Variants in ITGA8 observed in about 807,000 individuals in gnomAD.
ITGA8 encodes integrin alpha-8.
In ITGA8, 91 loss-of-function variants were observed where a neutral mutation model predicts 142.3. The observed-to-expected ratio is 0.64, with a 90% CI of 0.54 to 0.76. The LOEUF is 0.76. Among genes scored for constraint, ITGA8 ranks in the 30% least tolerant of loss-of-function variants. ITGA8 has a pLI of 0.00. For missense variants in ITGA8, 1,406 were observed against 1,327.7 expected (o/e 1.06, Z -0.92); for synonymous variants, 505 against 485.2 (o/e 1.04, Z -0.54).
At chr10:15,591,429 AT>A (rs1454566640) in intron 22 of ITGA8, among the ~76,000 whole-genome samples, 3 of 147,852 alleles carry the variant, frequency 2.0e-5, no homozygotes, top group Admixed American at 1.4e-4. Context: ...ATTATATTAT[AT>A]TATATTATAT....
Position 15,556,016 on chromosome 10 carries a change from C to CT in ITGA8, c.2766+2057dup, listed in dbSNP as rs1391282940. The stretch of plus-strand genomic sequence containing the variant: ...CGGTCTTCTGCCAGGGTCTCTCTCT[C>CT]TCTTTTTTTTTTTTTTTTTTTTTTT... On this transcript the variant is annotated intron_variant, in intron 26 of 29. Coordinates refer to ENST00000378076, the MANE Select transcript of ITGA8 (RefSeq NM_003638.3). Among the ~76,000 whole-genome samples the CT allele has an allele frequency of 1.9e-3, 179 of 94,528 alleles. 2 individuals are homozygous for CT. The highest frequency in any genetic ancestry group is 6.8e-3 in the African/African-American group (171 of 25,158). 62.0% of individuals were successfully genotyped at this position (94,528 alleles called of 152,430 possible). A position where few individuals can be genotyped will look rare whatever the true frequency, so the allele number is the denominator to read the frequency against.
At position 15,604,251 on chromosome 10, in the gene ITGA8, A is replaced by T. The variant is rs551611225; in HGVS notation, c.2075T>A (p.Ile692Lys). ...GAYEAELFVM[I>K]PEEADYVGIE... ...TCCAACATAATCTGCCTCTTCTGGT[A>T]TCATTACAAAGAGTTCAGCTTCATA... is the stretch of plus-strand genomic sequence containing the variant. Residue 692 changes from isoleucine (I) to lysine (K), a missense_variant, in exon 20 of 30, where the codon ATA becomes AAA. By Grantham distance (102) the Ile-to-Lys change is moderately radical (BLOSUM62 -3). Transcript: ENST00000378076. The T allele has an allele frequency of 1.9e-5, 31 of 1,613,646 alleles. No individual in the cohort carries two copies. The South Asian group carries it at 3.4e-4, about 18-fold the overall frequency.
At chr10:15,652,132 G>GT (rs1411268580) in intron 11 of ITGA8, among the ~76,000 whole-genome samples, 1 of 152,330 alleles carries the variant, frequency 6.6e-6, no homozygotes, top group East Asian at 1.9e-4. Context: ...CTACCATGTT[G>GT]TTTCGATTAA....
chr10:15,644,713 G>A (rs1167360651), intron 12 of ITGA8, among the ~76,000 whole-genome samples: 2 of 150,856 alleles, frequency 1.3e-5, no homozygotes, highest in African/African-American at 4.9e-5. Context: ...ACTCTAAAGG[G>A]CTTATAATGT....
At chr10:15,667,960 A>AGGTGT (rs1397430804) in intron 8 of ITGA8, among the ~76,000 whole-genome samples, 2 of 152,200 alleles carry the variant, frequency 1.3e-5, no homozygotes, top group African/African-American at 4.8e-5. Context: ...ATTTTGGAGT[A>AGGTGT]GGTGTGGTGT....
intron 5 of ITGA8, among the ~76,000 whole-genome samples, chr10:15,678,251 C>G (rs553060577): frequency 6.6e-6 from 1 of 152,256 alleles, no homozygotes; most frequent in African/African-American, 2.4e-5. Flanking sequence ...TTTTTCTATA[C>G]TATTTTCAAA....
At chr10:15,561,447 T>C (rs1024730743) in intron 25 of ITGA8, among the ~76,000 whole-genome samples, 2 of 151,808 alleles carry the variant, frequency 1.3e-5, no homozygotes, top group Non-Finnish European at 2.9e-5. Context: ...AAATGTAAAA[T>C]TGTAAAAAAA....
At chr10:15,604,448 A>G in intron 19 of ITGA8, 93 bp from the exon 20 acceptor site, 1 of 1,019,622 alleles carries the variant, frequency 9.8e-7, no homozygotes, top group Non-Finnish European at 1.4e-6. Flanking sequence ...GAAAAGAAAA[A>G]TGGCAAGTGC....
chr10:15,543,782 A>G (rs556568474), intron 27 of ITGA8, among the ~76,000 whole-genome samples: 45 of 152,294 alleles, frequency 3.0e-4, no homozygotes, highest in African/African-American at 1.1e-3. Context: ...TCGTAATATG[A>G]CCTTATTTGG....
chr10:15,517,932 C>T (rs1832993456), intron 29 of ITGA8, among the ~76,000 whole-genome samples: 1 of 152,240 alleles, frequency 6.6e-6, no homozygotes, highest in African/African-American at 2.4e-5. Context: ...AGGAGATTGT[C>T]TCCTAAAGTA....
chr10:15,648,737 C>A (rs942921518), intron 11 of ITGA8, among the ~76,000 whole-genome samples: 3 of 152,094 alleles, frequency 2.0e-5, no homozygotes, highest in African/African-American at 7.2e-5. Flanking sequence ...CTCTAACCTA[C>A]CCTCTCTCCA....
chr10:15,682,943 T>A (rs1472341376), intron 4 of ITGA8, among the ~76,000 whole-genome samples: 2 of 53,984 alleles, frequency 3.7e-5, no homozygotes, highest in Non-Finnish European at 1.3e-4. Context: ...ATATCACTAA[T>A]CGATTTTTTC....
chr10:15,610,551 A>C (rs1833275148), intron 15 of ITGA8, among the ~76,000 whole-genome samples: 1 of 152,192 alleles, frequency 6.6e-6, no homozygotes, highest in Admixed American at 6.5e-5. Context: ...ATAAATTCTA[A>C]ATTAAACTGT....
chr10:15,559,637 G>A (rs1441444885), intron 25 of ITGA8, among the ~76,000 whole-genome samples: 1 of 151,846 alleles, frequency 6.6e-6, no homozygotes, highest in Non-Finnish European at 1.5e-5. Flanking sequence ...AGACCTTTAT[G>A]CACTGAACTT....
chr10:15,624,857 G>A (rs757999572), intron 13 of ITGA8, among the ~76,000 whole-genome samples: 13 of 152,288 alleles, frequency 8.5e-5, no homozygotes, highest in Middle Eastern at 3.4e-3. Flanking sequence ...TACAGATGGC[G>A]GATACATCTG....
intron 8 of ITGA8, among the ~76,000 whole-genome samples, chr10:15,661,480 G>C (rs1330340383): frequency 6.6e-6 from 1 of 152,030 alleles, no homozygotes; most frequent in African/African-American, 2.4e-5. Flanking sequence ...TTCTTCTCCA[G>C]ATAATAGAAA....
At chr10:15,622,883 A>G (rs893056904) in intron 13 of ITGA8, among the ~76,000 whole-genome samples, 4 of 152,364 alleles carry the variant, frequency 2.6e-5, no homozygotes, top group East Asian at 1.9e-4. Context: ...ACTAGTCATC[A>G]AAGAAATCCA....
At chr10:15,564,246 A>G (rs1834034543) in intron 25 of ITGA8, among the ~76,000 whole-genome samples, 1 of 152,226 alleles carries the variant, frequency 6.6e-6, no homozygotes, top group African/African-American at 2.4e-5. Flanking sequence ...TCCAGAAATT[A>G]TTTAAAAACA....
chr10:15,548,985 G>A (rs1285847862), intron 26 of ITGA8, among the ~76,000 whole-genome samples: 3 of 152,098 alleles, frequency 2.0e-5, no homozygotes, highest in Non-Finnish European at 4.4e-5. Context: ...ACATACATTT[G>A]TTCCATAACG....
Sources: gnomAD v4.1 joint callset for allele counts (sites outside exome capture counted in the v4.1 genomes callset) on GRCh38, gnomAD v4.1.1 for gene constraint, MANE v1.5 for transcripts, NCBI Gene and HGNC (gene_info 2026-07-23, HGNC 2026-07-21) for gene names.